Variants in CNGA3 observed in about 807,000 individuals in gnomAD.
The protein encoded by CNGA3 is cyclic nucleotide gated channel subunit alpha 3.
CNGA3 carries 42 observed loss-of-function variants against 46.6 expected under a neutral mutation model. The ratio of observed to expected loss-of-function variants is 0.90; its 90% CI spans 0.70 to 1.17. CNGA3 has a LOEUF of 1.17. Among genes scored for constraint, CNGA3 ranks in the 50% most tolerant of loss-of-function variants. The pLI is 0.00. For synonymous variants in CNGA3, 394 were observed against 369.4 expected, an observed-to-expected ratio of 1.07 and a Z score of -0.76; for missense variants, 893 against 890.7, an observed-to-expected ratio of 1.00 and a Z score of -0.03.
At chr2:98,359,738 C>T (rs931191876) in intron 1 of CNGA3, among the ~76,000 whole-genome samples, 4 of 152,200 alleles carry the variant, frequency 2.6e-5, no homozygotes, top group African/African-American at 7.2e-5. Context: ...GACGCCCTGG[C>T]CACATCTCCA....
At chr2:98,375,923 G>T (rs1692392530) in intron 2 of CNGA3, among the ~76,000 whole-genome samples, 1 of 152,126 alleles carries the variant, frequency 6.6e-6, no homozygotes, top group Non-Finnish European at 1.5e-5. Context: ...CTCTTACAGG[G>T]TTGTTGTGTG....
chr2:98,394,089 C>T (rs1242991247), intron 7 of CNGA3, among the ~76,000 whole-genome samples: 1 of 152,014 alleles, frequency 6.6e-6, no homozygotes, highest in Non-Finnish European at 1.5e-5. Flanking sequence ...GGAGCCAACT[C>T]TGGGTTGCAG....
chr2:98,397,600 C>T lies in CNGA3; in HGVS notation c.*345C>T. 1 of 356,932 alleles carries T rather than the reference C, an allele frequency of 2.8e-6. No individual in the cohort carries two copies. The highest frequency in any genetic ancestry group is 2.9e-5 in the South Asian group (1 of 34,532). 22.1% of individuals were successfully genotyped at this position (356,932 alleles called of 1,614,324 possible). ...GCAAGGTGTTTTTAGGCTTTTTAAT[C>T]TGATTTTCTTATAAATGAAAGATTA... On this transcript the variant is annotated 3_prime_UTR_variant, in exon 8 of 8. Coordinates refer to ENST00000272602, the MANE Select transcript of CNGA3 (RefSeq NM_001298.3).
intron 7 of CNGA3, among the ~76,000 whole-genome samples, chr2:98,392,807 G>C (rs1371944966): frequency 6.6e-6 from 1 of 152,164 alleles, no homozygotes; most frequent in Non-Finnish European, 1.5e-5. Flanking sequence ...GGGCCCAGGT[G>C]AATGAGGACT....
intron 3 of CNGA3, 85 bp downstream of exon 3, chr2:98,377,885 G>A: frequency 2.2e-6 from 3 of 1,359,178 alleles, no homozygotes; most frequent in South Asian, 2.7e-5. Context: ...AAAAGTGCTA[G>A]ATGGGGGTGG....
chr2:98,351,428 G>T (rs2055592), intron 1 of CNGA3, among the ~76,000 whole-genome samples: 31,260 of 151,978 alleles, frequency 0.21, 3,591 homozygotes, highest in Middle Eastern at 0.29. Flanking sequence ...AAGGGGGAGC[G>T]TCCCTGCACA....
At chr2:98,385,796 G>A (rs534230120) in intron 5 of CNGA3, among the ~76,000 whole-genome samples, 5 of 152,284 alleles carry the variant, frequency 3.3e-5, no homozygotes, top group South Asian at 2.1e-4. Context: ...GAGGCCTCAG[G>A]AAGCTTTCAA....
At chr2:98,386,100 T>C (rs1248501303) in intron 5 of CNGA3, among the ~76,000 whole-genome samples, 2 of 152,264 alleles carry the variant, frequency 1.3e-5, no homozygotes, top group East Asian at 3.9e-4. Context: ...TGTTACTCTG[T>C]GAAAAGTGCT....
chr2:98,392,425 T>A (rs1692811084), intron 7 of CNGA3, among the ~76,000 whole-genome samples: 1 of 151,988 alleles, frequency 6.6e-6, no homozygotes, highest in Admixed American at 6.5e-5. Flanking sequence ...CTGGGCCCAC[T>A]GGCATGTGCC....
chr2:98,346,579 G>C (rs979831883), intron 1 of CNGA3, 45 bp downstream of exon 1: 15 of 396,884 alleles, frequency 3.8e-5, no homozygotes, highest in Non-Finnish European at 6.7e-5. Context: ...TTTGGGGGGC[G>C]CCGGGAGGTG....
In CNGA3 at chr2:98,396,550, C is replaced by T. The variant is rs999417090; in HGVS notation, c.1380C>T (p.Leu460=). ...TVDEKEVLKS[L]PDKLKAEIAI... ...ATGAGAAGGAGGTGCTCAAGAGCCTCCCAGACAAGCTGAAGGCTGAGATCG... is the reference window on the plus strand; with the variant it reads ...ATGAGAAGGAGGTGCTCAAGAGCCTTCCAGACAAGCTGAAGGCTGAGATCG... Residue 460 remains leucine, a synonymous_variant, in exon 8 of 8, where the codon CTC becomes CTT. Transcript: ENST00000272602. 1 of 1,613,972 alleles carries T rather than the reference C, an allele frequency of 6.2e-7. No homozygotes were observed. Among genetic ancestry groups the T allele is most frequent in the Non-Finnish European group, 8.5e-7 (1 of 1,179,980 alleles).
intron 1 of CNGA3, among the ~76,000 whole-genome samples, chr2:98,362,812 T>C (rs979546277): frequency 6.6e-6 from 1 of 152,236 alleles, no homozygotes; most frequent in Non-Finnish European, 1.5e-5. Flanking sequence ...CTAATCCATC[T>C]TGAGTTAATT....
chr2:98,366,217 C>A (rs1692146242), intron 1 of CNGA3, among the ~76,000 whole-genome samples: 1 of 152,018 alleles, frequency 6.6e-6, no homozygotes, highest in Non-Finnish European at 1.5e-5. Flanking sequence ...CCTCCTGCCC[C>A]TGGAGGTGTT....
chr2:98,385,440 CA>C (rs1692631433), intron 5 of CNGA3, among the ~76,000 whole-genome samples: 1 of 152,318 alleles, frequency 6.6e-6, no homozygotes, highest in East Asian at 1.9e-4. Flanking sequence ...GAAAAGCACA[CA>C]GGGGCATACA....
intron 5 of CNGA3, among the ~76,000 whole-genome samples, chr2:98,388,621 T>G (rs1449433780): frequency 6.6e-6 from 1 of 152,202 alleles, no homozygotes; most frequent in East Asian, 1.9e-4. Context: ...GTCTGCAGCC[T>G]CCGGTGGGCA....
chr2:98,370,650 A>G lies in CNGA3; in HGVS notation c.101+574A>G, dbSNP rs117056056. ...ATGGAAATCTGGAGCCTTAAGCTCT[A>G]CTTCTAACCCTCTTCCTAACTTACT... is the stretch of plus-strand genomic sequence containing the variant. On this transcript the variant is annotated intron_variant, in intron 2 of 7. Transcript: ENST00000272602. Among the ~76,000 whole-genome samples, 83 of 152,338 alleles carry G rather than the reference A, an allele frequency of 5.4e-4. No individual in the cohort carries two copies. In the East Asian group the frequency reaches 0.014, roughly 26 times the overall value.
At chr2:98,363,649 T>G (rs935770174) in intron 1 of CNGA3, among the ~76,000 whole-genome samples, 1 of 152,264 alleles carries the variant, frequency 6.6e-6, no homozygotes, top group Admixed American at 6.5e-5. Context: ...GATATGGGTT[T>G]GTCATAAATG....
chr2:98,369,114 T>C lies in CNGA3; in HGVS notation c.-37-825T>C, dbSNP rs142892038. 2.6e-3 allele frequency among the ~76,000 whole-genome samples: 398 copies of C among 152,370 alleles called. 2 individuals are homozygous for C. The highest frequency in any genetic ancestry group is 9.2e-3 in the African/African-American group (384 of 41,584). ...GTTGTTTTACAAAAACAGTTTAGCT[T>C]TGGGAAAGGGCTTTAATTTAAATTA... On this transcript the variant is annotated intron_variant, in intron 1 of 7. Transcript: ENST00000272602.
Position 98,398,274 on chromosome 2 carries a change from CT to C in CNGA3, c.*1025del, listed in dbSNP as rs1208078724. On this transcript the variant is annotated 3_prime_UTR_variant, in exon 8 of 8. Coordinates refer to ENST00000272602, the MANE Select transcript of CNGA3 (RefSeq NM_001298.3). ...AAAGCTCACAGATTGCAGAAATTAG[CT>C]TTTTTAAAAAACAAACCCCAGTAAA... is the stretch of plus-strand genomic sequence containing the variant. 2.0e-5 allele frequency: 3 copies of C among 152,112 alleles called. No individual in the cohort carries two copies. The highest frequency in any genetic ancestry group is 2.9e-5 in the Non-Finnish European group (2 of 68,006). The allele number at this position is 152,112 out of a possible 1,614,324, so 9.4% of individuals were successfully genotyped here.
Sources: gnomAD v4.1 joint callset for allele counts (sites outside exome capture counted in the v4.1 genomes callset) on GRCh38, gnomAD v4.1.1 for gene constraint, MANE v1.5 for transcripts, NCBI Gene and HGNC (gene_info 2026-07-23, HGNC 2026-07-21) for gene names.